TNRC6C: variants seen among roughly 807,000 people sequenced by gnomAD.
The protein encoded by TNRC6C is trinucleotide repeat containing adaptor 6C.
In TNRC6C, 20 loss-of-function variants were observed where a neutral mutation model predicts 153.7. The observed-to-expected ratio is 0.13, with a 90% CI of 0.09 to 0.19. TNRC6C has a LOEUF of 0.19. Ranked by LOEUF, TNRC6C falls within the 10% of genes least tolerant of loss-of-function variation. The pLI is 1.00. For missense variants in TNRC6C, 1,987 were observed against 2,172.0 expected (o/e 0.91, Z 1.69); for synonymous variants, 811 against 841.4 (o/e 0.96, Z 0.63).
chr17:78,008,469 T>A (rs1261059120), intron 1 of TNRC6C: 1 of 152,262 alleles, frequency 6.6e-6, no homozygotes, highest in Non-Finnish European at 1.5e-5. Context: ...CCACGTTTTC[T>A]CTGCAGCCAG....
At chr17:78,009,910 G>A (rs187085211) in intron 1 of TNRC6C, among the ~76,000 whole-genome samples, 1 of 150,026 alleles carries the variant, frequency 6.7e-6, no homozygotes, top group Non-Finnish European at 1.5e-5. Context: ...GAGAGAGAGG[G>A]TCTAACTCTG....
At chr17:78,054,165 A>G (rs908153887) in intron 3 of TNRC6C, among the ~76,000 whole-genome samples, 6 of 152,196 alleles carry the variant, frequency 3.9e-5, no homozygotes, top group African/African-American at 1.2e-4. Context: ...ACATTAAAAT[A>G]TGGTATAAAA....
At chr17:78,072,226 G>A (rs747465200) in intron 6 of TNRC6C, among the ~76,000 whole-genome samples, 4 of 152,168 alleles carry the variant, frequency 2.6e-5, no homozygotes, top group Non-Finnish European at 4.4e-5. Flanking sequence ...TGGCTTCAGC[G>A]TGTCCTGATT....
intron 16 of TNRC6C, among the ~76,000 whole-genome samples, chr17:78,097,376 G>A (rs529915958): frequency 1.3e-5 from 2 of 152,320 alleles, no homozygotes; most frequent in South Asian, 4.1e-4. Context: ...AACTGTGAAA[G>A]GATGTAGATT....
intron 6 of TNRC6C, among the ~76,000 whole-genome samples, chr17:78,072,786 A>G (rs2073021201): frequency 1.3e-5 from 2 of 152,248 alleles, no homozygotes; most frequent in Non-Finnish European, 2.9e-5. Context: ...ACAAGGTTTT[A>G]CTGCCACTCT....
intron 2 of TNRC6C, among the ~76,000 whole-genome samples, chr17:78,043,669 A>T (rs529491393): frequency 1.3e-5 from 2 of 152,166 alleles, no homozygotes; most frequent in Admixed American, 1.3e-4. Context: ...ACTAGGTCTT[A>T]TTTATTCTTT....
At chr17:78,047,947 CAG>C (rs1040806143) in intron 2 of TNRC6C, among the ~76,000 whole-genome samples, 59 of 152,182 alleles carry the variant, frequency 3.9e-4, no homozygotes, top group African/African-American at 1.2e-3. Flanking sequence ...TAGATCCAAA[CAG>C]GGGATTCTTT....
intron 1 of TNRC6C, among the ~76,000 whole-genome samples, chr17:78,014,036 G>T (rs1180217550): frequency 1.3e-5 from 2 of 152,154 alleles, no homozygotes; most frequent in African/African-American, 2.4e-5. Flanking sequence ...TTTAACTTTG[G>T]CTCCCTCTTC....
chr17:77,961,817 G>A (rs960325881), intron 1 of TNRC6C, among the ~76,000 whole-genome samples: 6 of 152,296 alleles, frequency 3.9e-5, no homozygotes, highest in Middle Eastern at 3.4e-3. Flanking sequence ...GTCATACAGA[G>A]GATATATGAA....
chr17:78,037,996 T>C (rs1420645837), intron 2 of TNRC6C, among the ~76,000 whole-genome samples: 1 of 152,148 alleles, frequency 6.6e-6, no homozygotes, highest in Non-Finnish European at 1.5e-5. Flanking sequence ...AAAACAGATG[T>C]ATACACGGAG....
intron 17 of TNRC6C, among the ~76,000 whole-genome samples, chr17:78,098,900 T>C (rs1328123732): frequency 1.3e-5 from 2 of 152,094 alleles, no homozygotes; most frequent in African/African-American, 4.8e-5. Context: ...CCCCCATGAC[T>C]CCCCTTCGCA....
At chr17:77,989,643 A>G (rs1057157935) in intron 1 of TNRC6C, among the ~76,000 whole-genome samples, 2 of 152,252 alleles carry the variant, frequency 1.3e-5, no homozygotes, top group Non-Finnish European at 2.9e-5. Context: ...TTTACCCACT[A>G]ACTGTAAGCT....
chr17:78,099,585 TG>T (rs2073552130), intron 17 of TNRC6C, among the ~76,000 whole-genome samples: 1 of 152,206 alleles, frequency 6.6e-6, no homozygotes, highest in Non-Finnish European at 1.5e-5. Context: ...GGAAAAGACC[TG>T]CCCCCATGAT....
chr17:78,077,157 A>G (rs1337014513), intron 8 of TNRC6C, 28 bp from the exon 11 acceptor site: 5 of 1,591,256 alleles, frequency 3.1e-6, no homozygotes, highest in Admixed American at 1.8e-5. Flanking sequence ...GACACTGCAC[A>G]CAGCTCACCC....
At chr17:77,991,882 A>G (rs1168751318) in intron 1 of TNRC6C, among the ~76,000 whole-genome samples, 1 of 152,204 alleles carries the variant, frequency 6.6e-6, no homozygotes, top group Non-Finnish European at 1.5e-5. Context: ...CTTGAAACTC[A>G]GTCCGACCTC....
At chr17:78,083,053 G>A in exon 11 of TNRC6C, 2 of 1,613,870 alleles carry the variant, frequency 1.2e-6, no homozygotes, top group African/African-American at 2.7e-5. Context: ...ACAGGTTCAA[G>A]CACAGCTTTT....
exon 14 of TNRC6C, chr17:78,091,606 T>C: frequency 1.3e-6 from 2 of 1,538,962 alleles, no homozygotes; most frequent in East Asian, 4.8e-5. Flanking sequence ...CTAGCAAGCA[T>C]GGTACGTCTG....
At chr17:78,032,119 C>G (rs772287126) in intron 2 of TNRC6C, among the ~76,000 whole-genome samples, 3 of 152,176 alleles carry the variant, frequency 2.0e-5, no homozygotes, top group Non-Finnish European at 4.4e-5. Context: ...TCCATACGAA[C>G]CCATCAAGGC....
At chr17:77,966,912 G>A (rs1165955124) in intron 1 of TNRC6C, among the ~76,000 whole-genome samples, 2 of 152,146 alleles carry the variant, frequency 1.3e-5, no homozygotes, top group African/African-American at 4.8e-5. Flanking sequence ...TTTCAAGGAA[G>A]CATAAGATCA....
Sources: allele counts gnomAD v4.1 joint callset (sites outside exome capture counted in the v4.1 genomes callset), GRCh38; gene constraint gnomAD v4.1.1; transcripts MANE v1.5; gene names NCBI Gene and HGNC (gene_info 2026-07-23, HGNC 2026-07-21).